The following CFAP54 variants were observed in gnomAD, a reference collection of about 807,000 sequenced individuals.
The protein encoded by CFAP54 is cilia- and flagella-associated protein 54.
CFAP54 carries 290 observed loss-of-function variants against 370.4 expected under a neutral mutation model. That is an observed-to-expected ratio of 0.78 (90% CI 0.71 to 0.86). The LOEUF (loss-of-function observed/expected upper bound fraction) is 0.86, where lower values mean the gene tolerates loss of function less well. CFAP54 is among the 40% of genes least tolerant of loss of function. CFAP54 has a pLI of 0.00. For synonymous variants in CFAP54, 1,206 were observed against 1,236.5 expected, an observed-to-expected ratio of 0.98 and a Z score of 0.52; for missense variants, 3,399 against 3,528.7, an observed-to-expected ratio of 0.96 and a Z score of 0.93.
chr12:96,702,875 T>C (rs762136075), intron 46 of CFAP54, among the ~76,000 whole-genome samples: 3 of 152,212 alleles, frequency 2.0e-5, no homozygotes, highest in Admixed American at 6.5e-5. Context: ...GAAAAAGTCC[T>C]ACAGATTACT....
At chr12:96,855,676 G>C (rs932134860) in intron 66 of CFAP54, among the ~76,000 whole-genome samples, 3 of 152,218 alleles carry the variant, frequency 2.0e-5, no homozygotes, top group African/African-American at 4.8e-5. Context: ...CACAGCCTTG[G>C]GCAGCTCTGC....
chr12:96,675,652 A>G (rs1957197330), intron 39 of CFAP54, among the ~76,000 whole-genome samples: 2 of 152,186 alleles, frequency 1.3e-5, no homozygotes, highest in African/African-American at 2.4e-5. Context: ...TGTTTATCGC[A>G]GCACTATTCA....
intron 48 of CFAP54, among the ~76,000 whole-genome samples, chr12:96,712,766 AC>A (rs1299388121): frequency 6.6e-6 from 1 of 152,194 alleles, no homozygotes; most frequent in Non-Finnish European, 1.5e-5. Context: ...ATGAGTGAGA[AC>A]AGGCAATGTT....
At chr12:96,774,763 T>G (rs1455152886) in intron 60 of CFAP54, among the ~76,000 whole-genome samples, 1 of 152,182 alleles carries the variant, frequency 6.6e-6, no homozygotes, top group Non-Finnish European at 1.5e-5. Flanking sequence ...TATTTTCTAG[T>G]TCACATCCCT....
chr12:96,524,850 G>A (rs1290811184), intron 8 of CFAP54, among the ~76,000 whole-genome samples: 4 of 152,120 alleles, frequency 2.6e-5, no homozygotes, highest in Non-Finnish European at 5.9e-5. Context: ...TATATCCTAT[G>A]CAGTATATGT....
intron 15 of CFAP54, among the ~76,000 whole-genome samples, chr12:96,552,978 C>A (rs909884550): frequency 2.0e-5 from 3 of 152,148 alleles, no homozygotes; most frequent in Admixed American, 6.5e-5. Context: ...GCATGCTGAG[C>A]AAACTCTTGC....
At chr12:96,842,690 A>T (rs1001262683) in intron 66 of CFAP54, among the ~76,000 whole-genome samples, 19 of 152,148 alleles carry the variant, frequency 1.2e-4, no homozygotes, top group African/African-American at 4.6e-4. Flanking sequence ...CACACAGTAA[A>T]TAGTGAATGT....
At chr12:96,782,001 CA>C (rs1353067808) in intron 60 of CFAP54, among the ~76,000 whole-genome samples, 1 of 151,984 alleles carries the variant, frequency 6.6e-6, no homozygotes, top group Non-Finnish European at 1.5e-5. Context: ...TACATCATGT[CA>C]AATTGGATTA....
chr12:96,508,388 C>T (rs565825430), intron 4 of CFAP54, among the ~76,000 whole-genome samples: 5 of 150,798 alleles, frequency 3.3e-5, no homozygotes, highest in South Asian at 2.1e-4. Flanking sequence ...TGGGTTCAAA[C>T]GATTCTCCTG....
intron 63 of CFAP54, among the ~76,000 whole-genome samples, chr12:96,800,493 T>C (rs1431592132): frequency 6.6e-6 from 1 of 152,174 alleles, no homozygotes; most frequent in African/African-American, 2.4e-5. Flanking sequence ...CATGTATGTA[T>C]TGGGTCATGA....
At chr12:96,666,097 A>G (rs1438644271) in intron 39 of CFAP54, among the ~76,000 whole-genome samples, 1 of 152,174 alleles carries the variant, frequency 6.6e-6, no homozygotes, top group African/African-American at 2.4e-5. Flanking sequence ...AAAAAGTTCA[A>G]TCTGTAAGTT....
intron 32 of CFAP54, among the ~76,000 whole-genome samples, chr12:96,632,828 A>T (rs960792728): frequency 6.6e-6 from 1 of 152,020 alleles, no homozygotes; most frequent in Non-Finnish European, 1.5e-5. Flanking sequence ...GTTTTTAAAA[A>T]TTATTTATTT....
Position 96,826,692 on chromosome 12 carries a change from T to C in CFAP54, c.9097-2322T>C, listed in dbSNP as rs1464501935. Reference sequence around the variant, plus strand: ...AATATATAATATATAATATATTACATATTATAATATATAAATTAATATACA... The same window carrying C: ...AATATATAATATATAATATATTACACATTATAATATATAAATTAATATACA... On this transcript the variant is annotated intron_variant, in intron 65 of 67. Transcript: ENST00000524981. Among the ~76,000 whole-genome samples the C allele has an allele frequency of 1.5e-4, 17 of 110,400 alleles. No homozygotes were observed. In the Admixed American group the frequency reaches 1.7e-3, roughly 11 times the overall value. 72.4% of individuals were successfully genotyped at this position (110,400 alleles called of 152,430 possible).
chr12:96,498,778 T>C (rs1954987861), intron 1 of CFAP54, among the ~76,000 whole-genome samples: 1 of 152,152 alleles, frequency 6.6e-6, no homozygotes, highest in African/African-American at 2.4e-5. Context: ...AATTGTTAAG[T>C]TGGACTTCAT....
chr12:96,871,843 G>T (rs1159372097), intron 67 of CFAP54, among the ~76,000 whole-genome samples: 11 of 152,024 alleles, frequency 7.2e-5, no homozygotes. Flanking sequence ...CAGATCAGTA[G>T]AAATTATCTA....
At chr12:96,718,632 C>G (rs372916637) in intron 49 of CFAP54, 110 bp downstream of exon 49, 1 of 633,564 alleles carries the variant, frequency 1.6e-6, no homozygotes, top group Non-Finnish European at 2.8e-6. Context: ...GAGCAGTTAC[C>G]TTTTCTTGTG....
chr12:96,662,500 C>T (rs776752815), intron 38 of CFAP54, among the ~76,000 whole-genome samples: 4 of 152,182 alleles, frequency 2.6e-5, no homozygotes, highest in Non-Finnish European at 4.4e-5. Flanking sequence ...CCACCACACC[C>T]AGCCTGTAAT....
At chr12:96,871,046 G>A (rs2136473323) in intron 67 of CFAP54, among the ~76,000 whole-genome samples, 1 of 152,328 alleles carries the variant, frequency 6.6e-6, no homozygotes, top group South Asian at 2.1e-4. Flanking sequence ...TGCCAGAGTA[G>A]TTAGAAATTA....
intron 25 of CFAP54, among the ~76,000 whole-genome samples, chr12:96,595,272 G>A (rs780314758): frequency 1.3e-5 from 2 of 152,044 alleles, no homozygotes; most frequent in African/African-American, 2.4e-5. Context: ...CTAGGGTAAT[G>A]AAATCATGAG....
Sources: allele counts gnomAD v4.1 joint callset (sites outside exome capture counted in the v4.1 genomes callset), GRCh38; gene constraint gnomAD v4.1.1; transcripts MANE v1.5; gene names NCBI Gene and HGNC (gene_info 2026-07-23, HGNC 2026-07-21).